The following RGS21 variants were observed in gnomAD, a reference collection of about 807,000 sequenced individuals.
RGS21 encodes the protein regulator of G protein signaling 21.
Under a neutral mutation model 18.7 loss-of-function variants are expected in RGS21, and 19 were observed. The observed-to-expected ratio is 1.01, with a 90% CI of 0.71 to 1.49. RGS21 has a LOEUF of 1.49. Among genes scored for constraint, RGS21 ranks in the 40% most tolerant of loss-of-function variants. RGS21 has a pLI of 0.00. For missense variants in RGS21, 194 were observed against 176.8 expected, an observed-to-expected ratio of 1.10 and a Z score of -0.55; for synonymous variants, 56 against 57.8, an observed-to-expected ratio of 0.97 and a Z score of 0.14.
intron 1 of RGS21, among the ~76,000 whole-genome samples, chr1:192,340,779 G>A (rs1232025086): frequency 5.9e-5 from 9 of 151,996 alleles, no homozygotes; most frequent in South Asian, 2.1e-4. Flanking sequence ...CTTACATGGC[G>A]GCAGACAAGA....
intron 1 of RGS21, among the ~76,000 whole-genome samples, chr1:192,321,884 A>G (rs1443745955): frequency 6.6e-6 from 1 of 152,056 alleles, no homozygotes; most frequent in East Asian, 1.9e-4. Flanking sequence ...CTAAAAAATA[A>G]AAAACAGCTA....
chr1:192,353,535 AT>A (rs1659073550), intron 4 of RGS21, among the ~76,000 whole-genome samples: 3 of 151,782 alleles, frequency 2.0e-5, no homozygotes, highest in African/African-American at 4.8e-5. Flanking sequence ...TGAAAGTCAT[AT>A]TTTTTCCTCC....
intron 3 of RGS21, among the ~76,000 whole-genome samples, chr1:192,348,108 C>T (rs1658982721): frequency 6.6e-6 from 1 of 151,398 alleles, no homozygotes; most frequent in African/African-American, 2.4e-5. Flanking sequence ...TCACTGCAAC[C>T]TCTGCCTCCC....
In RGS21 at chr1:192,323,690, T is replaced by C. The variant is rs556748148; in HGVS notation, c.-61+6585T>C. 3.9e-5 allele frequency among the ~76,000 whole-genome samples: 6 copies of C among 152,220 alleles called. No homozygotes were observed. The East Asian group carries it at 1.2e-3, about 29-fold the overall frequency. ...AGATTTTAAGTGGCAATGGAAATGA[T>C]AATAAGCTCAGAAGAAGGGTTGAAC... On this transcript the variant is annotated intron_variant, in intron 1 of 4. Coordinates refer to ENST00000417209, the MANE Select transcript of RGS21 (RefSeq NM_001039152.3).
intron 4 of RGS21, among the ~76,000 whole-genome samples, chr1:192,359,507 T>C (rs1282732018): frequency 6.6e-6 from 1 of 151,892 alleles, no homozygotes; most frequent in Admixed American, 6.6e-5. Flanking sequence ...TATCCAAGTA[T>C]CTTCTGGTAG....
intron 1 of RGS21, among the ~76,000 whole-genome samples, chr1:192,317,719 A>G (rs1351159195): frequency 6.6e-6 from 1 of 151,998 alleles, no homozygotes; most frequent in Non-Finnish European, 1.5e-5. Flanking sequence ...TACTTCAACA[A>G]TGTTTACAGT....
chr1:192,321,938 G>C (rs577579737), intron 1 of RGS21, among the ~76,000 whole-genome samples: 2 of 152,050 alleles, frequency 1.3e-5, no homozygotes, highest in African/African-American at 2.4e-5. Context: ...CACACACACA[G>C]AGATTATAGC....
intron 4 of RGS21, among the ~76,000 whole-genome samples, chr1:192,359,653 G>GTTTATATATA (rs1202366412): frequency 9.6e-6 from 1 of 104,518 alleles, no homozygotes; most frequent in East Asian, 2.3e-4. Context: ...ATGTGTGTGT[G>GTTTATATATA]TGTATATATA....
intron 1 of RGS21, among the ~76,000 whole-genome samples, chr1:192,330,054 TTA>T (rs1476786524): frequency 6.6e-6 from 1 of 152,180 alleles, no homozygotes; most frequent in Non-Finnish European, 1.5e-5. Flanking sequence ...ACTGGTATTG[TTA>T]TATATGAGGT....
intron 1 of RGS21, among the ~76,000 whole-genome samples, chr1:192,337,444 A>G (rs993718885): frequency 1.3e-5 from 2 of 151,992 alleles, no homozygotes; most frequent in Non-Finnish European, 2.9e-5. Context: ...ATTTCAGTTA[A>G]AATACTCTTT....
At chr1:192,332,892 T>C (rs1465773369) in intron 1 of RGS21, among the ~76,000 whole-genome samples, 1 of 151,904 alleles carries the variant, frequency 6.6e-6, no homozygotes, top group African/African-American at 2.4e-5. Flanking sequence ...CATTCCAGCC[T>C]GGGTGACAGA....
intron 1 of RGS21, among the ~76,000 whole-genome samples, chr1:192,322,260 GA>G (rs5779617): frequency 1.3e-5 from 2 of 150,960 alleles, no homozygotes; most frequent in South Asian, 2.1e-4. Flanking sequence ...TGTGTCAGCA[GA>G]AAAAAAAATC....
At chr1:192,349,184 G>A (rs1458415775) in intron 3 of RGS21, among the ~76,000 whole-genome samples, 1 of 152,086 alleles carries the variant, frequency 6.6e-6, no homozygotes, top group African/African-American at 2.4e-5. Context: ...CCAGAGTGGT[G>A]GAAGTCCATA....
intron 1 of RGS21, among the ~76,000 whole-genome samples, chr1:192,330,868 T>G (rs1557974908): frequency 6.6e-6 from 1 of 152,186 alleles, no homozygotes; most frequent in Non-Finnish European, 1.5e-5. Flanking sequence ...GATTGAATGA[T>G]AGACAATTGA....
rs1220740339 is a variant in RGS21, at chr1:192,358,031, A to G, written c.255+5818A>G. 2.0e-5 allele frequency among the ~76,000 whole-genome samples: 3 copies of G among 152,014 alleles called. 1 individual carries two copies. Among genetic ancestry groups the G allele is most frequent in the Admixed American group, 1.3e-4 (2 of 15,212 alleles). On this transcript the variant is annotated intron_variant, in intron 4 of 4. Coordinates refer to ENST00000417209, the MANE Select transcript of RGS21 (RefSeq NM_001039152.3). ...TTTAGCATGTTGGGATTGGTGATGGAAACAGGTCAATCTGATTCCATTTCG... is the reference window on the plus strand; with the variant it reads ...TTTAGCATGTTGGGATTGGTGATGGGAACAGGTCAATCTGATTCCATTTCG...
intron 1 of RGS21, among the ~76,000 whole-genome samples, chr1:192,317,418 C>G (rs1209764162): frequency 6.6e-6 from 1 of 151,244 alleles, no homozygotes; most frequent in African/African-American, 2.4e-5. Flanking sequence ...ATTATAGAAC[C>G]CATAGAATTT....
intron 1 of RGS21, among the ~76,000 whole-genome samples, chr1:192,327,608 G>C (rs1007413575): frequency 6.6e-6 from 1 of 152,078 alleles, no homozygotes; most frequent in Non-Finnish European, 1.5e-5. Flanking sequence ...GAGTAGCTGG[G>C]ATTACAGGCA....
intron 2 of RGS21, among the ~76,000 whole-genome samples, chr1:192,346,919 A>C (rs1658950091): frequency 6.6e-6 from 1 of 152,172 alleles, no homozygotes; most frequent in Admixed American, 6.5e-5. Context: ...CACTATAAAA[A>C]TTTAGAAAAT....
chr1:192,337,553 A>G (rs1399982390), intron 1 of RGS21, among the ~76,000 whole-genome samples: 2 of 152,098 alleles, frequency 1.3e-5, no homozygotes, highest in Admixed American at 6.6e-5. Context: ...CAGTCAGCAA[A>G]GACAGGAAAG....
Sources: allele counts gnomAD v4.1 joint callset (sites outside exome capture counted in the v4.1 genomes callset), GRCh38; gene constraint gnomAD v4.1.1; transcripts MANE v1.5; gene names NCBI Gene and HGNC (gene_info 2026-07-23, HGNC 2026-07-21).